The following DGKB variants were observed in gnomAD, a reference collection of about 807,000 sequenced individuals.
The protein encoded by DGKB is 90 kDa diacylglycerol kinase.
In DGKB, 67 loss-of-function variants were observed where a neutral mutation model predicts 114.3. The observed-to-expected ratio is 0.59, with a 90% CI of 0.48 to 0.72. The LOEUF is 0.72. Among genes scored for constraint, DGKB ranks in the 30% least tolerant of loss-of-function variants. The pLI, the probability that DGKB is intolerant of heterozygous loss-of-function variation, is 0.00. For synonymous variants in DGKB, 398 were observed against 323.1 expected (o/e 1.23, Z -2.49); for missense variants, 907 against 975.2 (o/e 0.93, Z 0.93).
At chr7:14,392,995 G>GTTTTGTTTTTTTTTTTTTT (rs1554404749) in intron 21 of DGKB, among the ~76,000 whole-genome samples, 10 of 60,546 alleles carry the variant, frequency 1.7e-4, no homozygotes, top group East Asian at 5.3e-4. Flanking sequence ...TTTTGTTTTT[G>GTTTTGTTTTTTTTTTTTTT]TTTTTTTTTT....
chr7:14,340,671 T>C (rs1811461250), intron 22 of DGKB, among the ~76,000 whole-genome samples: 1 of 151,676 alleles, frequency 6.6e-6, no homozygotes, highest in Non-Finnish European at 1.5e-5. Context: ...CACTTCTTAA[T>C]ACATATTTAA....
chr7:14,653,990 A>T (rs1214560536), intron 13 of DGKB, among the ~76,000 whole-genome samples: 1 of 152,102 alleles, frequency 6.6e-6, no homozygotes, highest in Non-Finnish European at 1.5e-5. Context: ...AAGTATGCCT[A>T]CTTTTACCAC....
intron 22 of DGKB, among the ~76,000 whole-genome samples, chr7:14,343,291 T>A (rs1361837259): frequency 6.6e-6 from 1 of 151,540 alleles, no homozygotes; most frequent in Admixed American, 6.6e-5. Context: ...AAGCCAGGGA[T>A]GCAGAGCTAG....
At chr7:14,867,638 T>G (rs190439292) in intron 1 of DGKB, among the ~76,000 whole-genome samples, 1 of 152,264 alleles carries the variant, frequency 6.6e-6, no homozygotes, top group Admixed American at 6.5e-5. Flanking sequence ...TAAATATGTA[T>G]AAATTATTAA....
chr7:14,934,555 A>G (rs1314459436), intron 1 of DGKB, among the ~76,000 whole-genome samples: 1 of 152,144 alleles, frequency 6.6e-6, no homozygotes, highest in Non-Finnish European at 1.5e-5. Context: ...AAACTAGAGA[A>G]GAGACAAGCA....
chr7:14,939,185 C>G (rs1477533547), intron 1 of DGKB, among the ~76,000 whole-genome samples: 1 of 151,978 alleles, frequency 6.6e-6, no homozygotes, highest in Non-Finnish European at 1.5e-5. Flanking sequence ...ATAGTATGTA[C>G]CCAATAAATA....
intron 1 of DGKB, among the ~76,000 whole-genome samples, chr7:14,910,907 T>C (rs934298471): frequency 6.6e-6 from 1 of 152,132 alleles, no homozygotes; most frequent in Non-Finnish European, 1.5e-5. Flanking sequence ...TTAAATGACC[T>C]GGGGGTGATA....
chr7:14,865,782 C>A (rs1312660597), intron 1 of DGKB, among the ~76,000 whole-genome samples: 2 of 151,914 alleles, frequency 1.3e-5, no homozygotes, highest in African/African-American at 2.4e-5. Flanking sequence ...TCCGAAAGCA[C>A]GTGCTGAGTA....
Position 14,332,599 on chromosome 7 carries a change from A to G in DGKB, c.2122+5916T>C, listed in dbSNP as rs529997739. 2.0e-5 allele frequency among the ~76,000 whole-genome samples: 3 copies of G among 152,342 alleles called. No individual in the cohort carries two copies. The South Asian group carries it at 6.2e-4, about 32-fold the overall frequency. On this transcript the variant is annotated intron_variant, in intron 23 of 25. Transcript: ENST00000402815. ...TCTATTTTTACTTGAATTAATTTTT[A>G]AAAGAAAATTTTGATTAACATTATA...
chr7:14,820,640 G>A (rs1004364008), intron 2 of DGKB, among the ~76,000 whole-genome samples: 2 of 152,128 alleles, frequency 1.3e-5, no homozygotes, highest in South Asian at 2.1e-4. Flanking sequence ...CAAGAAAACA[G>A]CAAATGCTCT....
At chr7:14,494,279 C>A (rs1324480784) in intron 20 of DGKB, among the ~76,000 whole-genome samples, 1 of 151,850 alleles carries the variant, frequency 6.6e-6, no homozygotes, top group East Asian at 1.9e-4. Context: ...CATTTCTTAT[C>A]TAGCATTTTA....
At chr7:14,882,522 T>A (rs1854395289) in intron 1 of DGKB, among the ~76,000 whole-genome samples, 1 of 152,050 alleles carries the variant, frequency 6.6e-6, no homozygotes, top group Non-Finnish European at 1.5e-5. Flanking sequence ...AAGTCAGAGC[T>A]TTTGGTGTAC....
At chr7:14,712,498 C>A (rs1173742523) in intron 6 of DGKB, among the ~76,000 whole-genome samples, 1 of 151,836 alleles carries the variant, frequency 6.6e-6, no homozygotes, top group Non-Finnish European at 1.5e-5. Flanking sequence ...ATGGTGAAAC[C>A]CCATCTCTAC....
intron 23 of DGKB, among the ~76,000 whole-genome samples, chr7:14,279,790 C>T (rs1253777771): frequency 6.7e-6 from 1 of 148,810 alleles, no homozygotes; most frequent in African/African-American, 2.5e-5. Flanking sequence ...AGACCTGCAG[C>T]TGAGGGTACT....
chr7:14,149,228 G>A lies in DGKB; in HGVS notation c.2315C>T (p.Thr772Ile). ...WMQTPCTIKI[T>I]HKNQAPMLMG... is the part of the protein sequence containing the mutation. ...CAGCATTGGGGCTTGGTTCTTGTGT[G>A]TAATTTTTATCTAGAAAAAAAGAGA... The change falls in exon 26 of 26, where the codon ACA becomes ATA. Residue 772 changes from threonine to isoleucine, a missense_variant. Thr to Ile is a moderately conservative substitution (Grantham distance 89). This residue lies in a region of DGKB where 58 missense variants were observed against 52.5 expected (regional missense o/e 1.10). Transcript: ENST00000402815. 1 of 1,611,372 alleles carries A rather than the reference G, an allele frequency of 6.2e-7. No homozygotes were observed. Among genetic ancestry groups the A allele is most frequent in the Non-Finnish European group, 8.5e-7 (1 of 1,178,530 alleles).
At chr7:14,771,254 A>G (rs1412070403) in intron 2 of DGKB, among the ~76,000 whole-genome samples, 1 of 152,146 alleles carries the variant, frequency 6.6e-6, no homozygotes, top group African/African-American at 2.4e-5. Context: ...ACATATAGCT[A>G]AGAAGGTATA....
intron 1 of DGKB, among the ~76,000 whole-genome samples, chr7:14,856,479 T>C (rs546477685): frequency 5.9e-5 from 9 of 152,278 alleles, no homozygotes; most frequent in African/African-American, 1.9e-4. Flanking sequence ...GAATGTGAAA[T>C]ATATATAGTA....
At chr7:14,196,144 G>T (rs1194879379) in intron 23 of DGKB, among the ~76,000 whole-genome samples, 1 of 152,086 alleles carries the variant, frequency 6.6e-6, no homozygotes, top group Admixed American at 6.6e-5. Flanking sequence ...GCTTAGAACA[G>T]TGTGTGTATT....
intron 17 of DGKB, among the ~76,000 whole-genome samples, chr7:14,592,080 T>C (rs11981807): frequency 0.47 from 70,731 of 151,370 alleles, 16,662 homozygotes; most frequent in Middle Eastern, 0.51. Context: ...ATTAAGTATA[T>C]AAAATAAATA....
Sources: allele counts gnomAD v4.1 joint callset (sites outside exome capture counted in the v4.1 genomes callset), GRCh38; gene constraint gnomAD v4.1.1; regional missense constraint gnomAD v4.1.1; transcripts MANE v1.5; gene names NCBI Gene and HGNC (gene_info 2026-07-23, HGNC 2026-07-21).